STOML3: variants seen among roughly 807,000 people sequenced by gnomAD.
The protein encoded by STOML3 is stomatin like 3.
In STOML3, 31 loss-of-function variants were observed where a neutral mutation model predicts 29.5. That is an observed-to-expected ratio of 1.05 (90% CI 0.79 to 1.42). STOML3 has a LOEUF of 1.42. STOML3 is among the 40% of genes most tolerant of loss of function. The pLI is 0.00. For missense variants in STOML3, 380 were observed against 363.0 expected, an observed-to-expected ratio of 1.05 and a Z score of -0.38; for synonymous variants, 122 against 139.8, an observed-to-expected ratio of 0.87 and a Z score of 0.90.
At chr13:38,968,558 A>G (rs762473910) in intron 5 of STOML3, 24 bp from the exon 6 acceptor site, 37 of 1,612,932 alleles carry the variant, frequency 2.3e-5, no homozygotes, top group Non-Finnish European at 3.1e-5. Context: ...AAAAGGGAAG[A>G]CTAATAAGAA....
chr13:38,970,642 T>C (rs1880829940), intron 4 of STOML3, among the ~76,000 whole-genome samples: 1 of 152,228 alleles, frequency 6.6e-6, no homozygotes, highest in South Asian at 2.1e-4. Flanking sequence ...CAGAAACCCT[T>C]GACTTGACAT....
At chr13:38,990,560 C>A in intron 1 of STOML3, 110 bp downstream of exon 1, 1 of 1,052,306 alleles carries the variant, frequency 9.5e-7, no homozygotes, top group Non-Finnish European at 1.3e-6. Flanking sequence ...AAATTGAGGC[C>A]GATTTCTGCA....
intron 6 of STOML3, among the ~76,000 whole-genome samples, chr13:38,968,137 G>A (rs1398655254): frequency 2.0e-5 from 3 of 152,012 alleles, no homozygotes; most frequent in African/African-American, 7.3e-5. Flanking sequence ...ACTGATATGC[G>A]GCTAGAGTTG....
At chr13:38,985,558 C>T (rs986005545) in intron 1 of STOML3, among the ~76,000 whole-genome samples, 6 of 152,174 alleles carry the variant, frequency 3.9e-5, no homozygotes, top group African/African-American at 1.4e-4. Flanking sequence ...GCACTGCCAA[C>T]AACAACAAAT....
intron 6 of STOML3, among the ~76,000 whole-genome samples, chr13:38,967,391 A>G (rs1880697677): frequency 6.6e-6 from 1 of 152,224 alleles, no homozygotes; most frequent in African/African-American, 2.4e-5. Flanking sequence ...ATTCATTTCC[A>G]GAGAAGTCTG....
intron 1 of STOML3, among the ~76,000 whole-genome samples, chr13:38,988,861 C>T (rs2138032719): frequency 7.1e-6 from 1 of 141,490 alleles, no homozygotes. Context: ...ATTATATATG[C>T]TGTATTATAT....
At chr13:38,990,541 C>T in intron 1 of STOML3, 129 bp downstream of exon 1, 1 of 779,620 alleles carries the variant, frequency 1.3e-6, no homozygotes, top group Non-Finnish European at 2.0e-6. Flanking sequence ...AAATCCTGGG[C>T]TATAAATGAA....
intron 1 of STOML3, among the ~76,000 whole-genome samples, chr13:38,977,974 A>G (rs2138016957): frequency 6.6e-6 from 1 of 151,556 alleles, no homozygotes; most frequent in South Asian, 2.1e-4. Context: ...GTTAGCCAGG[A>G]TGGTGTCAAT....
chr13:38,975,833 A>G (rs1881054310), intron 3 of STOML3, among the ~76,000 whole-genome samples: 1 of 152,166 alleles, frequency 6.6e-6, no homozygotes, highest in African/African-American at 2.4e-5. Context: ...AAAGAAATAA[A>G]ACCACCTTCT....
At position 38,966,504 on chromosome 13, in the gene STOML3, C is replaced by T; in HGVS notation, c.*321G>A. On this transcript the variant is annotated 3_prime_UTR_variant, in exon 7 of 7. Transcript: ENST00000379631. ...AAACAATTAAAAAGTAATTCTGAAA[C>T]ATTAGTCATAGTCACCCAATGATTT... 1 of 198,954 alleles carries T rather than the reference C, an allele frequency of 5.0e-6. No individual in the cohort carries two copies. Among genetic ancestry groups the T allele is most frequent in the Non-Finnish European group, 1.0e-5 (1 of 98,320 alleles). The allele number at this position is 198,954 out of a possible 1,614,324, so 12.3% of individuals were successfully genotyped here. A position where few individuals can be genotyped will look rare whatever the true frequency, so the allele number is the denominator to read the frequency against.
chr13:38,987,742 A>T (rs1463595136), intron 1 of STOML3, among the ~76,000 whole-genome samples: 1 of 125,092 alleles, frequency 8.0e-6, no homozygotes, highest in Non-Finnish European at 1.6e-5. Context: ...AATATATATA[A>T]AATATATAGT....
At chr13:38,981,445 A>C (rs1881264256) in intron 1 of STOML3, among the ~76,000 whole-genome samples, 1 of 152,220 alleles carries the variant, frequency 6.6e-6, no homozygotes, top group Admixed American at 6.5e-5. Context: ...TCACTAGCCC[A>C]ACTTAAATTA....
At chr13:38,982,250 A>AAAT (rs1434239439) in intron 1 of STOML3, among the ~76,000 whole-genome samples, 1 of 152,000 alleles carries the variant, frequency 6.6e-6, no homozygotes, top group Non-Finnish European at 1.5e-5. Context: ...TTTAAAAAAA[A>AAAT]AATAATAATA....
At chr13:38,986,424 C>T (rs1868556507) in intron 1 of STOML3, among the ~76,000 whole-genome samples, 2 of 152,050 alleles carry the variant, frequency 1.3e-5, no homozygotes, top group Non-Finnish European at 2.9e-5. Flanking sequence ...GCAGGGAAGA[C>T]CAGATGCTTC....
chr13:38,970,240 G>C lies in STOML3; in HGVS notation c.461C>G (p.Thr154Arg), dbSNP rs1880812352. The C allele has an allele frequency of 6.2e-7, 1 of 1,614,122 alleles. No homozygotes were observed. Among genetic ancestry groups the C allele is most frequent in the Non-Finnish European group, 8.5e-7 (1 of 1,179,992 alleles). Residue 154 changes from threonine (T) to arginine (R), a missense_variant, in exon 5 of 7, where the codon ACA becomes AGA. Physicochemically the swap from Thr to Arg is moderately conservative, Grantham distance 71. Transcript: ENST00000379631. ...AGCTAAGATCTGGGACAAGGTCTGT[G>C]TCCCTAAGACATTTCTCAGAGTGGT... ...AQTTLRNVLGTQTLSQILAGR... is the reference protein window; with the variant it reads ...AQTTLRNVLGRQTLSQILAGR...
At chr13:38,967,833 C>G (rs1164203443) in intron 6 of STOML3, among the ~76,000 whole-genome samples, 1 of 152,234 alleles carries the variant, frequency 6.6e-6, no homozygotes, top group Non-Finnish European at 1.5e-5. Context: ...GTTATCCACA[C>G]AGGCATGAAA....
At chr13:38,988,159 T>G (rs1566211400) in intron 1 of STOML3, among the ~76,000 whole-genome samples, 1 of 97,174 alleles carries the variant, frequency 1.0e-5, no homozygotes, top group East Asian at 3.3e-4. Context: ...ATCATATATT[T>G]TATATATAAT....
intron 5 of STOML3, 52 bp from the exon 6 acceptor site, chr13:38,968,586 T>C (rs748573055): frequency 1.9e-6 from 3 of 1,599,542 alleles, no homozygotes; most frequent in Admixed American, 1.7e-5. Context: ...TGATATGATG[T>C]ATGTTTCTGA....
At chr13:38,977,702 ACT>A (rs1285307236) in intron 1 of STOML3, among the ~76,000 whole-genome samples, 1 of 151,144 alleles carries the variant, frequency 6.6e-6, no homozygotes, top group African/African-American at 2.4e-5. Context: ...GCCACCTAAA[ACT>A]CTGTAGCTTT....
Sources: allele counts gnomAD v4.1 joint callset (sites outside exome capture counted in the v4.1 genomes callset), GRCh38; gene constraint gnomAD v4.1.1; transcripts MANE v1.5; gene names NCBI Gene and HGNC (gene_info 2026-07-23, HGNC 2026-07-21).